ITGAX: variants seen among roughly 807,000 people sequenced by gnomAD.
ITGAX encodes the protein integrin subunit alpha X.
A neutral mutation model predicts 140.2 loss-of-function variants in ITGAX; 99 were observed. That is an observed-to-expected ratio of 0.71 (90% confidence interval 0.60 to 0.83). ITGAX has a LOEUF of 0.83. ITGAX is among the 40% of genes least tolerant of loss of function. ITGAX has a pLI of 0.00. For synonymous variants in ITGAX, 631 were observed against 600.4 expected (o/e 1.05, Z -0.75); for missense variants, 1,444 against 1,482.0 (o/e 0.97, Z 0.42).
At position 31,370,946 on chromosome 16, in the gene ITGAX, T is replaced by C. The variant is rs1429890602; in HGVS notation, c.1711-138T>C. ...CCAACTCCTACCTCCTCTTTTCAGG[T>C]TCTTCTTGGTGACATCTGTTCACAA... On this transcript the variant is annotated intron_variant, in intron 14 of 29. Transcript: ENST00000268296. The C allele has an allele frequency of 1.2e-5, 12 of 1,034,858 alleles. No individual in the cohort carries two copies. The East Asian group carries it at 1.4e-4, about 12-fold the overall frequency. 64.1% of individuals were successfully genotyped at this position (1,034,858 alleles called of 1,614,324 possible).
At chr16:31,360,187 G>A in intron 7 of ITGAX, 122 bp downstream of exon 7, 1 of 1,516,634 alleles carries the variant, frequency 6.6e-7, no homozygotes, top group Non-Finnish European at 8.9e-7. Context: ...CCCTTGCCAA[G>A]CTGGGGCCTC....
intron 17 of ITGAX, 145 bp from the exon 18 acceptor site, chr16:31,372,233 C>T: frequency 2.2e-6 from 2 of 900,526 alleles, no homozygotes; most frequent in Non-Finnish European, 3.3e-6. Flanking sequence ...GGGAGGCCTC[C>T]TGAAGGCGGT....
Position 31,359,395 on chromosome 16 carries a change from AC to A in ITGAX, c.431-303del, listed in dbSNP as rs1476112226. 4.6e-5 allele frequency among the ~76,000 whole-genome samples: 7 copies of A among 151,856 alleles called. No homozygotes were observed. The South Asian group carries it at 1.0e-3, about 23-fold the overall frequency. On this transcript the variant is annotated intron_variant, in intron 5 of 29. Coordinates refer to ENST00000268296, the MANE Select transcript of ITGAX (RefSeq NM_000887.5). ...GGGCCAGGATGGTCTCGATCTCCTG[AC>A]CTCGTGATCCGCCCCCCTCGGCCTC...
At chr16:31,363,952 A>G (rs540009300) in intron 14 of ITGAX, among the ~76,000 whole-genome samples, 3 of 152,050 alleles carry the variant, frequency 2.0e-5, no homozygotes, top group Non-Finnish European at 4.4e-5. Flanking sequence ...AGTCATTTCA[A>G]CCTTCCCTTC....
chr16:31,380,868 G>C (rs11150620), intron 28 of ITGAX, 29 bp from the exon 29 acceptor site: 470,701 of 1,583,522 alleles, frequency 0.3, 74,674 homozygotes, highest in East Asian at 0.56. Context: ...GAGGATGGGA[G>C]TGCTCTGACA....
intron 14 of ITGAX, among the ~76,000 whole-genome samples, chr16:31,368,420 C>T (rs2080913965): frequency 6.6e-6 from 1 of 150,398 alleles, no homozygotes; most frequent in Non-Finnish European, 1.5e-5. Context: ...ATCGCTTGAA[C>T]CCCTCAGGCA....
rs1325450076 is a variant in ITGAX at position 31,357,255 on chromosome 16, C to G, written c.321C>G (p.Ala107=). 1.2e-6 allele frequency: 2 copies of G among 1,601,822 alleles called. No homozygotes were observed. The highest frequency in any genetic ancestry group is 2.7e-5 in the African/African-American group (2 of 74,596). ...ASTTSPSQLL[A]CGPTVHHECG... is the part of the protein sequence containing the mutation. ...CCAGCAGCCCGCTGTGTCCCCAGGCCTGCGGCCCCACCGTGCACCACGAGT... is the reference window on the plus strand; with the variant it reads ...CCAGCAGCCCGCTGTGTCCCCAGGCGTGCGGCCCCACCGTGCACCACGAGT... Residue 107 remains alanine (A), a splice_region_variant and synonymous_variant, in exon 5 of 30, where the codon GCC becomes GCG. Coordinates refer to ENST00000268296, the MANE Select transcript of ITGAX (RefSeq NM_000887.5).
At position 31,371,193 on chromosome 16, in the gene ITGAX, G is replaced by C. The variant is rs748801860; in HGVS notation, c.1820G>C (p.Arg607Pro). The stretch of plus-strand genomic sequence containing the variant: ...CTGGTGGACCTGGCTGTGGGGGCCC[G>C]GGGCCAGGTGCTCCTGCTCAGGTGA... Reference protein sequence around the residue: ...DGLVDLAVGARGQVLLLRTRP... With the variant: ...DGLVDLAVGAPGQVLLLRTRP... The change falls in exon 15 of 30, where the codon CGG becomes CCG. Residue 607 changes from arginine (R) to proline (P), a missense_variant. Arg to Pro is a moderately radical substitution (Grantham distance 103, BLOSUM62 -2). Coordinates refer to ENST00000268296, the MANE Select transcript of ITGAX (RefSeq NM_000887.5). 1 of 1,609,512 alleles carries C rather than the reference G, an allele frequency of 6.2e-7. No individual in the cohort carries two copies. The highest frequency in any genetic ancestry group is 8.5e-7 in the Non-Finnish European group (1 of 1,177,938).
chr16:31,356,787 G>T, intron 3 of ITGAX, 59 bp downstream of exon 3: 1 of 1,284,446 alleles, frequency 7.8e-7, no homozygotes, highest in South Asian at 1.3e-5. Flanking sequence ...CTGCTCCAGG[G>T]GCCCGTGGAC....
chr16:31,359,679 C>A (rs769145495), intron 5 of ITGAX, 21 bp from the exon 6 acceptor site: 1 of 1,612,122 alleles, frequency 6.2e-7, no homozygotes, highest in South Asian at 1.1e-5. Flanking sequence ...CTTGGAGGAC[C>A]GGTGCCACCT....
chr16:31,382,519 GTCCCCTTCCA>G lies in ITGAX; in HGVS notation c.*617_*626del. On this transcript the variant is annotated 3_prime_UTR_variant, in exon 30 of 30. Coordinates refer to ENST00000268296, the MANE Select transcript of ITGAX (RefSeq NM_000887.5). ...TGAACTCTCCAGCTTCGCGTGAGAAGTCCCCTTCCATCCCAGAGGGTGGGCTTCAGGGCGC... is the reference window on the plus strand; with the variant it reads ...TGAACTCTCCAGCTTCGCGTGAGAAGTCCCAGAGGGTGGGCTTCAGGGCGC... The G allele has an allele frequency of 7.4e-7, 1 of 1,344,720 alleles. No homozygotes were observed. Among genetic ancestry groups the G allele is most frequent in the Non-Finnish European group, 1.0e-6 (1 of 972,408 alleles). 83.3% of individuals were successfully genotyped at this position (1,344,720 alleles called of 1,614,324 possible). A position where few individuals can be genotyped will look rare whatever the true frequency, so the allele number is the denominator to read the frequency against.
At chr16:31,357,906 TGC>T in intron 5 of ITGAX, 2 of 202,046 alleles carry the variant, frequency 9.9e-6, no homozygotes, top group Non-Finnish European at 2.0e-5. Context: ...TATGTGTGTG[TGC>T]GTGTGCACAT....
Position 31,379,778 on chromosome 16 carries a change from G to A in ITGAX, c.2890G>A (p.Asp964Asn). 1 of 1,614,086 alleles carries A rather than the reference G, an allele frequency of 6.2e-7. No homozygotes were observed. The highest frequency in any genetic ancestry group is 1.3e-5 in the African/African-American group (1 of 75,042). ...GCAGGTCAATAACCTGGGACAGAGGGACCTGCCTGTCAGCATCAACTTCTG... is the reference window on the plus strand; with the variant it reads ...GCAGGTCAATAACCTGGGACAGAGGAACCTGCCTGTCAGCATCAACTTCTG... ...RYQVNNLGQR[D>N]LPVSINFWVP... The change falls in exon 25 of 30, where the codon GAC (aspartate) becomes AAC (asparagine). Residue 964 changes from aspartate to asparagine, a missense_variant. Asp to Asn is a conservative substitution (Grantham distance 23). Transcript: ENST00000268296.
chr16:31,372,765 CTA>C, intron 19 of ITGAX, 95 bp downstream of exon 19: 1 of 1,241,040 alleles, frequency 8.1e-7, no homozygotes, highest in Non-Finnish European at 1.2e-6. Context: ...TTGTCTCATC[CTA>C]TAGTCAAAAC....
At position 31,359,719 on chromosome 16, in the gene ITGAX, G is replaced by A; in HGVS notation, c.450G>A (p.Gln150=). Residue 150 remains glutamine (Q), a synonymous_variant, in exon 6 of 30, where the codon CAG becomes CAA. Coordinates refer to ENST00000268296, the MANE Select transcript of ITGAX (RefSeq NM_000887.5). ...VSRQECPRQE[Q]DIVFLIDGSG... is the part of the protein sequence containing the mutation. ...CCCCAGAGTGCCCAAGACAGGAGCA[G>A]GACATTGTGTTCCTGATCGATGGCT... The A allele has an allele frequency of 1.2e-6, 2 of 1,614,182 alleles. No individual in the cohort carries two copies. Among genetic ancestry groups the A allele is most frequent in the Non-Finnish European group, 1.7e-6 (2 of 1,180,028 alleles).
chr16:31,362,636 G>C lies in ITGAX; in HGVS notation c.1242G>C (p.Trp414Cys), dbSNP rs1161488796. 1.9e-6 allele frequency: 3 copies of C among 1,612,802 alleles called. No individual in the cohort carries two copies. The highest frequency in any genetic ancestry group is 2.2e-5 in the East Asian group (1 of 44,864). The change falls in exon 12 of 30, where the codon TGG (tryptophan) becomes TGC (cysteine). Residue 414 changes from tryptophan (W) to cysteine (C), a missense_variant. By Grantham distance (215) the Trp-to-Cys change is radical. Coordinates refer to ENST00000268296, the MANE Select transcript of ITGAX (RefSeq NM_000887.5). ...YLGYSTELAL[W>C]KGVQSLVLGA... ...GTTACTCCACCGAGCTGGCCCTCTG[G>C]AAAGGGGTGCAGAGCCTGGTCCTGG... is the stretch of plus-strand genomic sequence containing the variant.
chr16:31,364,426 C>CAAAAAAAAAAAAAAAAAAAAAAAAAA (rs56776715), intron 14 of ITGAX, among the ~76,000 whole-genome samples: 1 of 42,456 alleles, frequency 2.4e-5, no homozygotes, highest in Non-Finnish European at 5.3e-5. Flanking sequence ...AATCCCGTGT[C>CAAAAAAAAAAAAAAAAAAAAAAAAAA]AAAAAAAAAA....
At chr16:31,376,541 G>A (rs1463318297) in intron 20 of ITGAX, among the ~76,000 whole-genome samples, 1 of 152,144 alleles carries the variant, frequency 6.6e-6, no homozygotes, top group Non-Finnish European at 1.5e-5. Context: ...CAAGAGGATG[G>A]CTTGAGGCCA....
At chr16:31,376,631 C>T (rs2081021508) in intron 20 of ITGAX, among the ~76,000 whole-genome samples, 168 bp from the exon 21 acceptor site, 1 of 152,076 alleles carries the variant, frequency 6.6e-6, no homozygotes, top group South Asian at 2.1e-4. Context: ...TCTCAAAAAA[C>T]AAACAAACAA....
Sources: gnomAD v4.1 joint callset for allele counts (sites outside exome capture counted in the v4.1 genomes callset) on GRCh38, gnomAD v4.1.1 for gene constraint, MANE v1.5 for transcripts, NCBI Gene and HGNC (gene_info 2026-07-23, HGNC 2026-07-21) for gene names.